DNAH11: variants seen among roughly 807,000 people sequenced by gnomAD.
DNAH11 encodes the protein dynein axonemal heavy chain 11.
DNAH11 carries 442 observed loss-of-function variants against 526.0 expected under a neutral mutation model. The observed-to-expected ratio is 0.84, with a 90% CI of 0.78 to 0.91. The LOEUF (loss-of-function observed/expected upper bound fraction) is 0.91, where lower values mean the gene tolerates loss of function less well. Among genes scored for constraint, DNAH11 ranks in the 40% least tolerant of loss-of-function variants. The pLI, the probability that DNAH11 is intolerant of heterozygous loss-of-function variation, is 0.00. For synonymous variants in DNAH11, 2,461 were observed against 1,935.9 expected, an observed-to-expected ratio of 1.27 and a Z score of -7.12; for missense variants, 6,989 against 5,448.7, an observed-to-expected ratio of 1.28 and a Z score of -8.90.
At chr7:21,708,362 G>T (rs1437774394) in intron 40 of DNAH11, among the ~76,000 whole-genome samples, 2 of 152,146 alleles carry the variant, frequency 1.3e-5, no homozygotes, top group African/African-American at 4.8e-5. Flanking sequence ...GAATCCTATA[G>T]GCTTTGCCTT....
At chr7:21,698,709 C>T (rs1427538860) in intron 36 of DNAH11, among the ~76,000 whole-genome samples, 1 of 152,134 alleles carries the variant, frequency 6.6e-6, no homozygotes, top group African/African-American at 2.4e-5. Flanking sequence ...TCTTTATCCA[C>T]TCATTGGCTG....
intron 45 of DNAH11, among the ~76,000 whole-genome samples, chr7:21,729,021 CAG>C (rs1227358432): frequency 2.6e-5 from 4 of 152,234 alleles, no homozygotes; most frequent in Non-Finnish European, 5.9e-5. Context: ...GGCTCAGTGA[CAG>C]AAGTGGTGAC....
chr7:21,719,962 T>C (rs1784812550), intron 43 of DNAH11, among the ~76,000 whole-genome samples: 1 of 152,202 alleles, frequency 6.6e-6, no homozygotes, highest in Admixed American at 6.5e-5. Context: ...TTTCACATGG[T>C]GAAGGCCTCT....
intron 39 of DNAH11, among the ~76,000 whole-genome samples, chr7:21,707,493 T>C (rs981411588): frequency 2.0e-5 from 3 of 152,248 alleles, no homozygotes; most frequent in Non-Finnish European, 2.9e-5. Flanking sequence ...AGTGAACTGA[T>C]TCTGTCTTGC....
chr7:21,548,000 T>G (rs1583471291), intron 2 of DNAH11, among the ~76,000 whole-genome samples: 1 of 152,336 alleles, frequency 6.6e-6, no homozygotes, highest in East Asian at 1.9e-4. Flanking sequence ...GAATACGACA[T>G]CCCATTGCTG....
chr7:21,687,221 A>G lies in DNAH11; in HGVS notation c.5744A>G (p.Tyr1915Cys), dbSNP rs769226960. The change falls in exon 33 of 82, where the codon TAT becomes TGT. Residue 1915 changes from tyrosine to cysteine, a missense_variant. Transcript: ENST00000409508. ...DLGRALGMMV[Y>C]VFNCSEQMDY... ...GGACGTGCCCTTGGCATGATGGTCT[A>G]TGTATTCAACTGTTCAGAGCAAATG... 26 of 1,605,208 alleles carry G rather than the reference A, an allele frequency of 1.6e-5. No individual in the cohort carries two copies. Among genetic ancestry groups the G allele is most frequent in the Middle Eastern group, 3.3e-4 (2 of 6,042 alleles).
At chr7:21,561,758 C>T (rs991903632) in intron 5 of DNAH11, among the ~76,000 whole-genome samples, 1 of 152,184 alleles carries the variant, frequency 6.6e-6, no homozygotes, top group African/African-American at 2.4e-5. Flanking sequence ...GATGACAACC[C>T]TGCTCAGTTC....
intron 28 of DNAH11, among the ~76,000 whole-genome samples, chr7:21,651,723 G>C (rs1467461525): frequency 6.6e-6 from 1 of 152,204 alleles, no homozygotes; most frequent in African/African-American, 2.4e-5. Context: ...ACTAAGGTTT[G>C]GTTAAATAAC....
intron 61 of DNAH11, among the ~76,000 whole-genome samples, chr7:21,790,798 G>A (rs115815580): frequency 0.011 from 1,604 of 152,216 alleles, 21 homozygotes; most frequent in African/African-American, 0.037. Context: ...CGAGTATGAG[G>A]GAATCATGAA....
chr7:21,809,712 C>G (rs1026445883), intron 63 of DNAH11, among the ~76,000 whole-genome samples: 2 of 151,596 alleles, frequency 1.3e-5, no homozygotes, highest in Admixed American at 1.3e-4. Flanking sequence ...TACAGGCACC[C>G]GCCACCACAC....
chr7:21,621,125 C>T (rs1381302643), intron 25 of DNAH11, among the ~76,000 whole-genome samples: 4 of 152,024 alleles, frequency 2.6e-5, no homozygotes, highest in Non-Finnish European at 2.9e-5. Flanking sequence ...TTCTAGATCC[C>T]TGAGGAATCG....
At chr7:21,691,446 A>G (rs1371272504) in intron 35 of DNAH11, among the ~76,000 whole-genome samples, 1 of 151,770 alleles carries the variant, frequency 6.6e-6, no homozygotes, top group Non-Finnish European at 1.5e-5. Flanking sequence ...CAAGGGACAC[A>G]CATTCGTTCA....
At chr7:21,854,564 T>C (rs1240717908) in intron 68 of DNAH11, 109 bp downstream of exon 68, 7 of 1,195,318 alleles carry the variant, frequency 5.9e-6, no homozygotes, top group African/African-American at 1.6e-5. Flanking sequence ...TTATTACTAT[T>C]ATTGAGACAG....
At chr7:21,869,673 C>G (rs1162111956) in intron 73 of DNAH11, among the ~76,000 whole-genome samples, 6 of 152,188 alleles carry the variant, frequency 3.9e-5, no homozygotes, top group African/African-American at 7.2e-5. Flanking sequence ...GTCAGAGATT[C>G]TCTGGGGACC....
At chr7:21,586,737 C>T (rs1784490376) in intron 9 of DNAH11, among the ~76,000 whole-genome samples, 1 of 152,128 alleles carries the variant, frequency 6.6e-6, no homozygotes, top group African/African-American at 2.4e-5. Flanking sequence ...GTTTATCTAC[C>T]ACTGTAAATA....
intron 14 of DNAH11, among the ~76,000 whole-genome samples, chr7:21,592,721 C>A (rs1017584924): frequency 1.3e-5 from 2 of 152,132 alleles, no homozygotes; most frequent in African/African-American, 4.8e-5. Context: ...CAGTTCATAT[C>A]CTGCAGATAT....
intron 30 of DNAH11, among the ~76,000 whole-genome samples, chr7:21,678,410 A>G (rs927882905): frequency 2.6e-5 from 4 of 152,088 alleles, no homozygotes; most frequent in Admixed American, 6.6e-5. Flanking sequence ...CCACTGGTCT[A>G]TGTGCCTTTT....
At chr7:21,602,607 A>G (rs972976160) in intron 18 of DNAH11, among the ~76,000 whole-genome samples, 2 of 150,956 alleles carry the variant, frequency 1.3e-5, no homozygotes, top group African/African-American at 2.4e-5. Flanking sequence ...GTGTACACAC[A>G]TGTACTTGAA....
At chr7:21,792,020 G>A (rs906645430) in intron 61 of DNAH11, among the ~76,000 whole-genome samples, 3 of 152,146 alleles carry the variant, frequency 2.0e-5, no homozygotes, top group Non-Finnish European at 2.9e-5. Flanking sequence ...GAAAGCAAAG[G>A]GGGATCAGGC....
Sources: gnomAD v4.1 joint callset for allele counts (sites outside exome capture counted in the v4.1 genomes callset) on GRCh38, gnomAD v4.1.1 for gene constraint, MANE v1.5 for transcripts, NCBI Gene and HGNC (gene_info 2026-07-23, HGNC 2026-07-21) for gene names.